Variants in QKI observed in about 807,000 individuals in gnomAD.
QKI encodes the protein QKI, KH domain containing RNA binding.
A neutral mutation model predicts 39.0 loss-of-function variants in QKI; 10 were observed. The ratio of observed to expected loss-of-function variants is 0.26; its 90% CI spans 0.16 to 0.43. The LOEUF (loss-of-function observed/expected upper bound fraction) is 0.43. Ranked by LOEUF, QKI falls within the 20% of genes least tolerant of loss-of-function variation. QKI has a pLI of 1.00. For missense variants in QKI, 218 were observed against 428.0 expected (o/e 0.51, Z 4.33); for synonymous variants, 204 against 155.4 (o/e 1.31, Z -2.33).
chr6:163,448,148 G>C (rs979154775), intron 1 of QKI, among the ~76,000 whole-genome samples: 12 of 152,118 alleles, frequency 7.9e-5, no homozygotes, highest in Admixed American at 6.5e-4. Flanking sequence ...CAAAGTTTTT[G>C]CTGTTTTGTA....
intron 3 of QKI, among the ~76,000 whole-genome samples, chr6:163,481,853 A>T (rs1793098774): frequency 6.6e-6 from 1 of 152,188 alleles, no homozygotes; most frequent in African/African-American, 2.4e-5. Flanking sequence ...GGGGAGGTTG[A>T]GTAATTTGCC....
chr6:163,568,583 CTTAAA>C, intron 7 of QKI: 1 of 978,122 alleles, frequency 1.0e-6, no homozygotes, highest in Middle Eastern at 5.3e-4. Flanking sequence ...AAGTCCTTCA[CTTAAA>C]TTATTTTATG....
chr6:163,432,392 C>T (rs1214527117), intron 1 of QKI, among the ~76,000 whole-genome samples: 1 of 146,708 alleles, frequency 6.8e-6, no homozygotes, highest in East Asian at 1.9e-4. Flanking sequence ...ATTTAAAATC[C>T]CCCCCCTTTT....
chr6:163,461,486 G>T (rs1791346285), intron 2 of QKI, among the ~76,000 whole-genome samples: 2 of 152,200 alleles, frequency 1.3e-5, no homozygotes, highest in African/African-American at 4.8e-5. Flanking sequence ...GAATTATTCA[G>T]ATTAGACAGA....
intron 3 of QKI, among the ~76,000 whole-genome samples, chr6:163,520,501 A>AT (rs1562508628): frequency 6.6e-6 from 1 of 151,954 alleles, no homozygotes; most frequent in Non-Finnish European, 1.5e-5. Context: ...TCATACAGCT[A>AT]TTTTTTACCT....
intron 4 of QKI, among the ~76,000 whole-genome samples, chr6:163,551,291 G>T (rs1391854383): frequency 1.3e-5 from 2 of 152,284 alleles, no homozygotes; most frequent in East Asian, 1.9e-4. Context: ...ATTTAATCCT[G>T]TTCTGACGCT....
At chr6:163,552,206 C>CTTTTTTTT (rs35060699) in intron 4 of QKI, among the ~76,000 whole-genome samples, 2 of 101,766 alleles carry the variant, frequency 2.0e-5, no homozygotes, top group African/African-American at 3.8e-5. Context: ...TTCGTTCGTT[C>CTTTTTTTT]TTTTTTTTTT....
chr6:163,554,073 C>A (rs886166363), intron 4 of QKI, among the ~76,000 whole-genome samples: 5 of 152,120 alleles, frequency 3.3e-5, no homozygotes, highest in Non-Finnish European at 7.3e-5. Flanking sequence ...AATGATGAAA[C>A]CAAGACCCTG....
chr6:163,554,340 A>G (rs1348450707), intron 4 of QKI, among the ~76,000 whole-genome samples: 3 of 152,206 alleles, frequency 2.0e-5, no homozygotes, highest in Admixed American at 6.5e-5. Flanking sequence ...ACTATGCCTC[A>G]GTTCTGAGAA....
At chr6:163,439,117 C>G (rs1789536267) in intron 1 of QKI, among the ~76,000 whole-genome samples, 1 of 152,070 alleles carries the variant, frequency 6.6e-6, no homozygotes, top group Non-Finnish European at 1.5e-5. Context: ...ACAGCTTGGC[C>G]CACTGCCAGG....
chr6:163,473,489 T>C (rs935052901), intron 2 of QKI, among the ~76,000 whole-genome samples: 1 of 152,164 alleles, frequency 6.6e-6, no homozygotes. Flanking sequence ...CAGGTTCTTT[T>C]AAAACACTTT....
intron 4 of QKI, among the ~76,000 whole-genome samples, chr6:163,556,017 G>A (rs2128248085): frequency 6.6e-6 from 1 of 152,290 alleles, no homozygotes; most frequent in African/African-American, 2.4e-5. Flanking sequence ...AGCCAGGTTT[G>A]CAATGTGAAC....
At chr6:163,417,057 T>G (rs953783759) in intron 1 of QKI, among the ~76,000 whole-genome samples, 16 of 152,248 alleles carry the variant, frequency 1.1e-4, no homozygotes, top group Non-Finnish European at 2.2e-4. Flanking sequence ...ATATTAAATT[T>G]AGTTGAAACT....
At chr6:163,475,707 A>G (rs941579721) in intron 2 of QKI, among the ~76,000 whole-genome samples, 3 of 152,250 alleles carry the variant, frequency 2.0e-5, no homozygotes, top group Non-Finnish European at 2.9e-5. Context: ...AGAAAAGAAA[A>G]TTATAACACA....
At chr6:163,453,308 TTATC>T (rs1206341930) in intron 1 of QKI, among the ~76,000 whole-genome samples, 1 of 152,144 alleles carries the variant, frequency 6.6e-6, no homozygotes, top group African/African-American at 2.4e-5. Context: ...TAAGCAAATT[TTATC>T]TATAGTTTTC....
chr6:163,488,900 A>G (rs6910323), intron 3 of QKI, among the ~76,000 whole-genome samples: 18,481 of 151,158 alleles, frequency 0.12, 1,640 homozygotes, highest in African/African-American at 0.25. Context: ...TCTCAGGCCC[A>G]TTTATTTACC....
chr6:163,443,741 A>C (rs577949749), intron 1 of QKI, among the ~76,000 whole-genome samples: 6 of 152,272 alleles, frequency 3.9e-5, no homozygotes, highest in Admixed American at 6.5e-5. Flanking sequence ...AACCTATGCT[A>C]CATGATTATA....
intron 1 of QKI, among the ~76,000 whole-genome samples, chr6:163,446,735 G>A (rs1047960316): frequency 2.0e-5 from 3 of 152,156 alleles, no homozygotes; most frequent in African/African-American, 7.2e-5. Context: ...CAGTTTAAAT[G>A]AGAAAGGCTG....
intron 3 of QKI, among the ~76,000 whole-genome samples, chr6:163,516,768 ACTT>A (rs1460614760): frequency 6.6e-6 from 1 of 152,120 alleles, no homozygotes; most frequent in Non-Finnish European, 1.5e-5. Flanking sequence ...AATGAATACT[ACTT>A]GCGTTCTTAC....
Sources: gnomAD v4.1 joint callset for allele counts (sites outside exome capture counted in the v4.1 genomes callset) on GRCh38, gnomAD v4.1.1 for gene constraint, MANE v1.5 for transcripts, NCBI Gene and HGNC (gene_info 2026-07-23, HGNC 2026-07-21) for gene names.